SLC9A2: variants seen among roughly 807,000 people sequenced by gnomAD.
SLC9A2 encodes the protein sodium/hydrogen exchanger 2.
In SLC9A2, 42 loss-of-function variants were observed where a neutral mutation model predicts 71.7. That is an observed-to-expected ratio of 0.59 (90% confidence interval 0.46 to 0.76). The LOEUF (loss-of-function observed/expected upper bound fraction) is 0.76. Ranked by LOEUF, SLC9A2 falls within the 30% of genes least tolerant of loss-of-function variation. The pLI is 0.00. For missense variants in SLC9A2, 829 were observed against 1,017.4 expected, an observed-to-expected ratio of 0.81 and a Z score of 2.52; for synonymous variants, 396 against 392.5, an observed-to-expected ratio of 1.01 and a Z score of -0.10.
chr2:102,650,405 T>C (rs149531803), intron 1 of SLC9A2, among the ~76,000 whole-genome samples: 2,086 of 152,256 alleles, frequency 0.014, 53 homozygotes, highest in African/African-American at 0.047. Flanking sequence ...GATGGGTTGA[T>C]GGGTGCAGCA....
At position 102,708,361 on chromosome 2, in the gene SLC9A2, G is replaced by A. The variant is rs56156264; in HGVS notation, c.2311G>A (p.Asp771Asn). 4.9e-3 allele frequency: 7,848 copies of A among 1,614,210 alleles called. 26 individuals are homozygous for A. The highest frequency in any genetic ancestry group is 6.1e-3 in the Admixed American group (369 of 60,024). Residue 771 changes from aspartate (D) to asparagine (N), a missense_variant, in exon 12 of 12, where the codon GAC becomes AAC. Around this residue, in one of 3 missense-constraint regions of SLC9A2, gnomAD observed 223 missense variants for 197.5 expected, o/e 1.13. Transcript: ENST00000233969. ...ACTACAGCAGCCCCTTCTCTCTAAA[G>A]ACCAGTCTGGCTCAGAGAGGGAAGA... is the stretch of plus-strand genomic sequence containing the variant. ...GLLQQPLLSK[D>N]QSGSEREDSL...
At chr2:102,622,814 A>G (rs1056387976) in intron 1 of SLC9A2, among the ~76,000 whole-genome samples, 1 of 152,228 alleles carries the variant, frequency 6.6e-6, no homozygotes, top group Non-Finnish European at 1.5e-5. Flanking sequence ...TTAACTGTAC[A>G]GTTTCTAGCA....
At chr2:102,695,204 A>G in intron 7 of SLC9A2, 91 bp downstream of exon 7, 1 of 927,804 alleles carries the variant, frequency 1.1e-6, no homozygotes, top group South Asian at 1.5e-5. Context: ...TTAATTGGAA[A>G]TCTTTCCTGT....
intron 2 of SLC9A2, among the ~76,000 whole-genome samples, chr2:102,659,028 A>C (rs1677000021): frequency 6.6e-6 from 1 of 152,212 alleles, no homozygotes; most frequent in African/African-American, 2.4e-5. Flanking sequence ...CAGATAAGAA[A>C]AGCGAGGCAG....
intron 4 of SLC9A2, among the ~76,000 whole-genome samples, chr2:102,683,792 T>G (rs1056281916): frequency 6.6e-6 from 1 of 152,072 alleles, no homozygotes; most frequent in Non-Finnish European, 1.5e-5. Context: ...CCTCTTCCTC[T>G]TCCCCTTTCC....
intron 1 of SLC9A2, among the ~76,000 whole-genome samples, chr2:102,626,550 A>C (rs998378834): frequency 1.3e-4 from 20 of 152,374 alleles, no homozygotes; most frequent in African/African-American, 4.8e-4. Flanking sequence ...AGCAATGGCA[A>C]CAAAAGCCAA....
chr2:102,653,496 C>T (rs1056842434), intron 1 of SLC9A2, among the ~76,000 whole-genome samples: 8 of 152,184 alleles, frequency 5.3e-5, no homozygotes, highest in African/African-American at 1.9e-4. Flanking sequence ...TTATTTGCTG[C>T]TTCTTGGTTG....
chr2:102,646,310 T>A (rs1476896233), intron 1 of SLC9A2, among the ~76,000 whole-genome samples: 1 of 151,990 alleles, frequency 6.6e-6, no homozygotes, highest in Admixed American at 6.6e-5. Flanking sequence ...AAGCACTAAA[T>A]ATGGAAAGGA....
At chr2:102,673,649 T>C (rs1457469539) in intron 3 of SLC9A2, among the ~76,000 whole-genome samples, 1 of 152,210 alleles carries the variant, frequency 6.6e-6, no homozygotes, top group Admixed American at 6.5e-5. Context: ...TTTATGCTTA[T>C]TTTTTAAAAA....
chr2:102,704,568 C>T lies in SLC9A2; in HGVS notation c.1870C>T (p.Leu624=). The T allele has an allele frequency of 1.2e-6, 2 of 1,613,170 alleles. No individual in the cohort carries two copies. The highest frequency in any genetic ancestry group is 1.7e-6 in the Non-Finnish European group (2 of 1,179,400). The change falls in exon 10 of 12, where the codon CTG becomes TTG. Residue 624 remains leucine, a synonymous_variant. Coordinates refer to ENST00000233969, the MANE Select transcript of SLC9A2 (RefSeq NM_003048.6). ...QRTLSYNRHS[L]TADTSERQAK... ...GACTTTATCCTACAACAGACACAGT[C>T]TGACAGCCGACACAAGTGAGAGACA...
At chr2:102,632,421 G>A (rs745808669) in intron 1 of SLC9A2, among the ~76,000 whole-genome samples, 2 of 151,470 alleles carry the variant, frequency 1.3e-5, no homozygotes, top group Admixed American at 1.3e-4. Context: ...AGACATGGGC[G>A]TATTGTCATT....
intron 5 of SLC9A2, among the ~76,000 whole-genome samples, chr2:102,691,181 A>G (rs1158213925): frequency 6.6e-6 from 1 of 152,196 alleles, no homozygotes; most frequent in Non-Finnish European, 1.5e-5. Flanking sequence ...GGCAGGCCTG[A>G]CCCTCAGAGG....
intron 1 of SLC9A2, among the ~76,000 whole-genome samples, chr2:102,655,598 AT>A (rs1421797520): frequency 6.6e-6 from 1 of 152,204 alleles, no homozygotes; most frequent in African/African-American, 2.4e-5. Context: ...GGCAACAGGA[AT>A]TTTTCAGCTC....
intron 3 of SLC9A2, among the ~76,000 whole-genome samples, chr2:102,672,158 T>C (rs1457855196): frequency 6.6e-6 from 1 of 152,138 alleles, no homozygotes; most frequent in African/African-American, 2.4e-5. Flanking sequence ...AGCAGATTTT[T>C]AAGACTGAGT....
rs1035285398 is a variant in SLC9A2, at chr2:102,710,611, A to T, written c.*2122A>T. On this transcript the variant is annotated 3_prime_UTR_variant, in exon 12 of 12. Transcript: ENST00000233969. ...TAAATCTTAATTATTATCAGTTTAA[A>T]TTTTTTTTGTTTGTTGAATGACAAA... 1.3e-5 allele frequency: 2 copies of T among 151,930 alleles called. No individual in the cohort carries two copies. Among genetic ancestry groups the T allele is most frequent in the Admixed American group, 6.5e-5 (1 of 15,270 alleles). 9.4% of individuals were successfully genotyped at this position (151,930 alleles called of 1,614,324 possible).
Position 102,711,182 on chromosome 2 carries a change from C to T in SLC9A2, c.*2693C>T, listed in dbSNP as rs926356089. The stretch of plus-strand genomic sequence containing the variant: ...GACAAACACAGTACGAGTCTCAGCA[C>T]GTTTTGCATTTATTGTACTGCCCAA... On this transcript the variant is annotated 3_prime_UTR_variant, in exon 12 of 12. Coordinates refer to ENST00000233969, the MANE Select transcript of SLC9A2 (RefSeq NM_003048.6). 6.6e-6 allele frequency: 1 copy of T among 152,272 alleles called. No individual in the cohort carries two copies. The highest frequency in any genetic ancestry group is 1.5e-5 in the Non-Finnish European group (1 of 68,030). The allele number at this position is 152,272 out of a possible 1,614,324, so 9.4% of individuals were successfully genotyped here.
rs397985354 is a variant in SLC9A2 at position 102,706,348 on chromosome 2, G to GAA, written c.2068+424_2068+425dup. ...CTCAAAAAAAAAAAAAAAAAAAAAA[G>GAA]AAAAAAAAAAAAAGAATGAGTTCCA... On this transcript the variant is annotated intron_variant, in intron 11 of 11. Coordinates refer to ENST00000233969, the MANE Select transcript of SLC9A2 (RefSeq NM_003048.6). 1.4e-3 allele frequency among the ~76,000 whole-genome samples: 24 copies of GAA among 17,706 alleles called. 4 individuals carry two copies. Among genetic ancestry groups the GAA allele is most frequent in the Middle Eastern group, 0.026 (1 of 38 alleles). 11.6% of individuals were successfully genotyped at this position (17,706 alleles called of 152,430 possible). A position where few individuals can be genotyped will look rare whatever the true frequency, so the allele number is the denominator to read the frequency against.
chr2:102,688,062 G>A (rs546022956), intron 5 of SLC9A2, among the ~76,000 whole-genome samples: 10 of 152,198 alleles, frequency 6.6e-5, no homozygotes, highest in South Asian at 2.1e-4. Context: ...TTACAAGCGC[G>A]AGCACCACCA....
intron 1 of SLC9A2, among the ~76,000 whole-genome samples, chr2:102,648,912 A>G (rs1243763678): frequency 2.0e-5 from 3 of 152,214 alleles, no homozygotes; most frequent in Non-Finnish European, 4.4e-5. Context: ...TACTGCCCAA[A>G]GTAATTTATA....
Sources: allele counts gnomAD v4.1 joint callset (sites outside exome capture counted in the v4.1 genomes callset), GRCh38; gene constraint gnomAD v4.1.1; regional missense constraint gnomAD v4.1.1; transcripts MANE v1.5; gene names NCBI Gene and HGNC (gene_info 2026-07-23, HGNC 2026-07-21).